EPM2A: variants seen among roughly 807,000 people sequenced by gnomAD.
EPM2A encodes laforin.
A neutral mutation model predicts 26.5 loss-of-function variants in EPM2A; 21 were observed. The ratio of observed to expected loss-of-function variants is 0.79; its 90% confidence interval spans 0.56 to 1.14. The LOEUF (loss-of-function observed/expected upper bound fraction) is 1.14. Ranked by LOEUF, EPM2A falls within the 50% of genes most tolerant of loss-of-function variation. The pLI is 0.00. For synonymous variants in EPM2A, 217 were observed against 177.6 expected (o/e 1.22, Z -1.76); for missense variants, 458 against 440.8 (o/e 1.04, Z -0.35).
chr6:145,677,590 A>G (rs569911734), intron 2 of EPM2A, among the ~76,000 whole-genome samples: 20 of 152,322 alleles, frequency 1.3e-4, no homozygotes, highest in Admixed American at 3.3e-4. Context: ...AAAGTCTCAG[A>G]ATACAAAATC....
chr6:145,613,006 G>A (rs778110691), intron 2 of EPM2A, among the ~76,000 whole-genome samples: 1 of 151,956 alleles, frequency 6.6e-6, no homozygotes, highest in Non-Finnish European at 1.5e-5. Flanking sequence ...TTCCTTTCAT[G>A]AAATATTTCT....
At chr6:145,557,941 C>A (rs1201693539) in intron 2 of EPM2A, among the ~76,000 whole-genome samples, 1 of 152,040 alleles carries the variant, frequency 6.6e-6, no homozygotes, top group Non-Finnish European at 1.5e-5. Context: ...CTTTGTTTTT[C>A]CATAAGTGGT....
chr6:145,492,317 C>T (rs1779765706), intron 4 of EPM2A, among the ~76,000 whole-genome samples: 1 of 152,086 alleles, frequency 6.6e-6, no homozygotes, highest in Non-Finnish European at 1.5e-5. Context: ...CTTTTGGGTG[C>T]CGGCAGGAGC....
intron 4 of EPM2A, among the ~76,000 whole-genome samples, chr6:145,408,261 G>A (rs1194392802): frequency 6.6e-6 from 1 of 152,118 alleles, no homozygotes; most frequent in Non-Finnish European, 1.5e-5. Flanking sequence ...TCTTCATCCT[G>A]CTCTGTGTCC....
At chr6:145,480,524 A>T (rs1430216876) in intron 4 of EPM2A, among the ~76,000 whole-genome samples, 3 of 152,096 alleles carry the variant, frequency 2.0e-5, no homozygotes, top group Non-Finnish European at 4.4e-5. Context: ...TATTAGAAAT[A>T]TGATTTGCAA....
intron 4 of EPM2A, chr6:145,490,053 A>G: frequency 7.7e-7 from 1 of 1,297,984 alleles, no homozygotes; most frequent in Non-Finnish European, 1.1e-6. Context: ...ACTTGTGCTG[A>G]ATCCACCTGG....
chr6:145,614,476 G>A, intron 2 of EPM2A, among the ~76,000 whole-genome samples: 1 of 152,240 alleles, frequency 6.6e-6, no homozygotes, highest in East Asian at 1.9e-4. Flanking sequence ...AAAAGGCCTA[G>A]CTTTCAGCTG....
intron 4 of EPM2A, among the ~76,000 whole-genome samples, chr6:145,462,722 A>G (rs182673227): frequency 1.8e-3 from 267 of 152,258 alleles, no homozygotes; most frequent in Non-Finnish European, 4.9e-4. Context: ...ACAAGCATGT[A>G]CACTATGTCA....
At chr6:145,713,056 T>C (rs1213070659) in intron 1 of EPM2A, among the ~76,000 whole-genome samples, 1 of 152,230 alleles carries the variant, frequency 6.6e-6, no homozygotes, top group Admixed American at 6.5e-5. Flanking sequence ...AAAGTTTGTG[T>C]TTTTTATTTT....
intron 4 of EPM2A, among the ~76,000 whole-genome samples, chr6:145,386,168 A>G (rs1308174094): frequency 1.3e-5 from 2 of 152,154 alleles, no homozygotes; most frequent in Non-Finnish European, 2.9e-5. Flanking sequence ...TACTTAGCAT[A>G]AAATCCAAGG....
chr6:145,385,377 G>A (rs1778244722), intron 4 of EPM2A, among the ~76,000 whole-genome samples: 1 of 120,026 alleles, frequency 8.3e-6, no homozygotes, highest in Non-Finnish European at 1.8e-5. Context: ...TCTCAACAAT[G>A]GCTGGGTTGT....
intron 2 of EPM2A, among the ~76,000 whole-genome samples, chr6:145,647,765 C>T (rs557616830): frequency 3.4e-4 from 52 of 152,210 alleles, no homozygotes; most frequent in African/African-American, 1.2e-3. Context: ...AAGGACTTTA[C>T]TAACTCAAGA....
intron 2 of EPM2A, among the ~76,000 whole-genome samples, chr6:145,556,617 T>G (rs1175116172): frequency 6.6e-6 from 1 of 152,066 alleles, no homozygotes; most frequent in Non-Finnish European, 1.5e-5. Context: ...AGAGCAGCCT[T>G]TGGCATTAAG....
intron 4 of EPM2A, among the ~76,000 whole-genome samples, chr6:145,466,747 T>C (rs1246795282): frequency 2.0e-5 from 3 of 152,176 alleles, no homozygotes; most frequent in African/African-American, 7.2e-5. Flanking sequence ...CCAACCCAAA[T>C]GTCCAACAAT....
chr6:145,498,074 T>C (rs888046803), downstream of EPM2A, among the ~76,000 whole-genome samples: 6 of 152,068 alleles, frequency 3.9e-5, no homozygotes, highest in African/African-American at 1.2e-4. Flanking sequence ...TCTGGCCAAA[T>C]TTTTGTGGAG....
At chr6:145,481,986 C>G (rs1039220147) in intron 4 of EPM2A, among the ~76,000 whole-genome samples, 1 of 151,132 alleles carries the variant, frequency 6.6e-6, no homozygotes, top group Admixed American at 6.6e-5. Flanking sequence ...AAATCTTATG[C>G]CTGACTCAAC....
At chr6:145,610,557 G>A (rs1370990987) in intron 2 of EPM2A, among the ~76,000 whole-genome samples, 2 of 152,154 alleles carry the variant, frequency 1.3e-5, no homozygotes, top group Non-Finnish European at 2.9e-5. Flanking sequence ...TAACAAAGTC[G>A]TTGTGAGTAC....
At chr6:145,625,055 G>A (rs182498375), downstream of EPM2A, among the ~76,000 whole-genome samples, 2 of 152,130 alleles carry the variant, frequency 1.3e-5, no homozygotes, top group East Asian at 3.9e-4. Context: ...GCAGCTAATG[G>A]CATAATATCT....
At chr6:145,488,522 T>TGAGAGAGA (rs200590979) in intron 4 of EPM2A, among the ~76,000 whole-genome samples, 16 of 140,002 alleles carry the variant, frequency 1.1e-4, no homozygotes, top group East Asian at 4.6e-4. Flanking sequence ...TGTGTGTGTG[T>TGAGAGAGA]GAGAGAGAGA....
Sources: gnomAD v4.1 joint callset for allele counts (sites outside exome capture counted in the v4.1 genomes callset) on GRCh38, gnomAD v4.1.1 for gene constraint, MANE v1.5 for transcripts, NCBI Gene and HGNC (gene_info 2026-07-23, HGNC 2026-07-21) for gene names.